The following LHFPL3 variants were observed in gnomAD, a reference collection of about 807,000 sequenced individuals.
LHFPL3 encodes the protein LHFPL tetraspan subfamily member 3 protein.
Under a neutral mutation model 19.3 loss-of-function variants are expected in LHFPL3, and 5 were observed. The observed-to-expected ratio is 0.26, with a 90% CI of 0.14 to 0.54. The LOEUF is 0.54. LHFPL3 is among the 20% of genes least tolerant of loss of function. LHFPL3 has a pLI of 0.94. For missense variants in LHFPL3, 249 were observed against 307.4 expected (o/e 0.81, Z 1.42); for synonymous variants, 133 against 126.2 (o/e 1.05, Z -0.36).
intron 2 of LHFPL3, among the ~76,000 whole-genome samples, chr7:104,861,238 G>A (rs1051661572): frequency 3.3e-5 from 5 of 152,168 alleles, no homozygotes; most frequent in African/African-American, 1.2e-4. Flanking sequence ...CCCCCTAAGA[G>A]GACATAAGAC....
intron 1 of LHFPL3, among the ~76,000 whole-genome samples, chr7:104,585,866 T>C (rs77156909): frequency 2.0e-5 from 3 of 152,106 alleles, no homozygotes; most frequent in African/African-American, 7.2e-5. Context: ...ATTTCATTTA[T>C]CTTTTAAATC....
chr7:104,537,909 G>A lies in LHFPL3; in HGVS notation c.446-198766G>A, dbSNP rs73409703. ...TTCCATCAAGGTCCTTCTTGGGCAG[G>A]TAAAGGCTACTCTGAAGCCAGGGAT... is the stretch of plus-strand genomic sequence containing the variant. On this transcript the variant is annotated intron_variant, in intron 1 of 2. Coordinates refer to ENST00000424859, the MANE Select transcript of LHFPL3 (RefSeq NM_199000.3). Among the ~76,000 whole-genome samples the A allele has an allele frequency of 2.0e-5, 3 of 152,144 alleles. No individual in the cohort carries two copies. In the South Asian group the frequency reaches 6.2e-4, roughly 32 times the overall value.
intron 2 of LHFPL3, among the ~76,000 whole-genome samples, chr7:104,886,555 G>C (rs1390169769): frequency 6.6e-6 from 1 of 152,116 alleles, no homozygotes; most frequent in Non-Finnish European, 1.5e-5. Flanking sequence ...AGTAGAGACG[G>C]GGTTTTGCCA....
chr7:104,884,783 C>CCAAG (rs1165623528), intron 2 of LHFPL3, among the ~76,000 whole-genome samples: 1 of 152,104 alleles, frequency 6.6e-6, no homozygotes, highest in African/African-American at 2.4e-5. Flanking sequence ...TACCTCTGAC[C>CCAAG]CAAGCTTCAA....
At chr7:104,430,432 ATATATATATATATATATATATATTT>A (rs1791966392) in intron 1 of LHFPL3, among the ~76,000 whole-genome samples, 1 of 11,984 alleles carries the variant, frequency 8.3e-5, no homozygotes, top group South Asian at 2.9e-3. Flanking sequence ...ATATATATAT[ATATATATATATATATATATATATTT>A]TTTTTTTTTT....
At chr7:104,687,505 T>C (rs529050532) in intron 1 of LHFPL3, among the ~76,000 whole-genome samples, 8 of 152,342 alleles carry the variant, frequency 5.3e-5, no homozygotes, top group African/African-American at 1.9e-4. Flanking sequence ...CTAATCATGC[T>C]TTGGTCTTCC....
chr7:104,707,487 C>T (rs919831648), intron 1 of LHFPL3, among the ~76,000 whole-genome samples: 5 of 152,120 alleles, frequency 3.3e-5, no homozygotes, highest in African/African-American at 4.8e-5. Flanking sequence ...TCCTGGAAGA[C>T]AATACACTAG....
intron 1 of LHFPL3, among the ~76,000 whole-genome samples, chr7:104,344,232 A>G (rs1382617315): frequency 6.6e-6 from 1 of 152,116 alleles, no homozygotes; most frequent in Non-Finnish European, 1.5e-5. Flanking sequence ...ACATCATGTG[A>G]CTTGATGCTA....
chr7:104,815,265 C>T (rs992853141), intron 2 of LHFPL3, among the ~76,000 whole-genome samples: 4 of 152,090 alleles, frequency 2.6e-5, no homozygotes, highest in East Asian at 1.9e-4. Flanking sequence ...CTGCTGCAGC[C>T]GGCATGATGG....
chr7:104,579,772 A>C lies in LHFPL3; in HGVS notation c.446-156903A>C, dbSNP rs112866817. ...ATATTACCCTGTCAATCAATACAGT[A>C]ATTACTGAGCACCCATCATGAACAA... On this transcript the variant is annotated intron_variant, in intron 1 of 2. Transcript: ENST00000424859. Among the ~76,000 whole-genome samples, 674 of 152,304 alleles carry C rather than the reference A, an allele frequency of 4.4e-3. 6 individuals carry two copies. The highest frequency in any genetic ancestry group is 0.015 in the African/African-American group (636 of 41,568).
intron 1 of LHFPL3, among the ~76,000 whole-genome samples, chr7:104,345,167 TTTATC>T (rs1457713289): frequency 6.6e-6 from 1 of 152,170 alleles, no homozygotes; most frequent in African/African-American, 2.4e-5. Flanking sequence ...GTCTAATTAT[TTTATC>T]TAAATTTTCA....
chr7:104,444,163 C>T lies in LHFPL3; in HGVS notation c.445+114939C>T, dbSNP rs567245253. ...AGTATAACAGTGGAAGGGTAGATAC[C>T]AGCCAGGGGCCATTTGTAACCAGCA... On this transcript the variant is annotated intron_variant, in intron 1 of 2. Coordinates refer to ENST00000424859, the MANE Select transcript of LHFPL3 (RefSeq NM_199000.3). Among the ~76,000 whole-genome samples the T allele has an allele frequency of 9.2e-5, 14 of 152,278 alleles. No homozygotes were observed. The South Asian group carries it at 2.5e-3, about 27-fold the overall frequency.
rs146773454 is a variant in LHFPL3 at position 104,613,760 on chromosome 7, C to T, written c.446-122915C>T. Among the ~76,000 whole-genome samples, 505 of 152,186 alleles carry T rather than the reference C, an allele frequency of 3.3e-3. 7 individuals carry two copies. Among genetic ancestry groups the T allele is most frequent in the Non-Finnish European group, 2.3e-3 (156 of 68,002 alleles). On this transcript the variant is annotated intron_variant, in intron 1 of 2. Coordinates refer to ENST00000424859, the MANE Select transcript of LHFPL3 (RefSeq NM_199000.3). ...GTGGTCAAAGAAAAATTGCATGGGC[C>T]GAGTGGAACAGACAAGAGTTAATTC...
intron 1 of LHFPL3, among the ~76,000 whole-genome samples, chr7:104,516,417 T>G (rs116058289): frequency 3.2e-4 from 48 of 152,262 alleles, no homozygotes; most frequent in African/African-American, 1.2e-3. Flanking sequence ...CAAATTTCCA[T>G]TTTTTAAGAT....
At chr7:104,651,401 C>T (rs910507930) in intron 1 of LHFPL3, among the ~76,000 whole-genome samples, 2 of 152,204 alleles carry the variant, frequency 1.3e-5, no homozygotes, top group African/African-American at 2.4e-5. Context: ...GAAGGATTAA[C>T]GATCCCTGAG....
At chr7:104,876,301 G>T (rs948624540) in intron 2 of LHFPL3, among the ~76,000 whole-genome samples, 2 of 152,180 alleles carry the variant, frequency 1.3e-5, no homozygotes, top group Non-Finnish European at 2.9e-5. Context: ...AAACTAAAGA[G>T]CTTCTGCACA....
At chr7:104,754,328 T>G (rs1794240286) in intron 2 of LHFPL3, among the ~76,000 whole-genome samples, 1 of 152,164 alleles carries the variant, frequency 6.6e-6, no homozygotes, top group East Asian at 1.9e-4. Context: ...AATATTCACA[T>G]AAAAATATAT....
At chr7:104,426,366 C>T (rs1391693071) in intron 1 of LHFPL3, among the ~76,000 whole-genome samples, 1 of 152,164 alleles carries the variant, frequency 6.6e-6, no homozygotes, top group African/African-American at 2.4e-5. Flanking sequence ...AAGCGATTCT[C>T]CTGCCTCATC....
Position 104,662,359 on chromosome 7 carries a change from A to G in LHFPL3, c.446-74316A>G, listed in dbSNP as rs4612275. ...TCATAGTATGCTTTCACTCTTCCAG[A>G]CATTTTTCATAGATTATCTCATTTA... is the stretch of plus-strand genomic sequence containing the variant. On this transcript the variant is annotated intron_variant, in intron 1 of 2. Transcript: ENST00000424859. Among the ~76,000 whole-genome samples the G allele has an allele frequency of 5.1e-3, 783 of 152,324 alleles. 44 individuals are homozygous for G. The East Asian group carries it at 0.11, about 22-fold the overall frequency.
Sources: allele counts gnomAD v4.1 joint callset (sites outside exome capture counted in the v4.1 genomes callset), GRCh38; gene constraint gnomAD v4.1.1; transcripts MANE v1.5; gene names NCBI Gene and HGNC (gene_info 2026-07-23, HGNC 2026-07-21).